Variants in CLASP2 observed in about 807,000 individuals in gnomAD.
The protein encoded by CLASP2 is cytoplasmic linker associated protein 2.
CLASP2 carries 47 observed loss-of-function variants against 194.4 expected under a neutral mutation model. The ratio of observed to expected loss-of-function variants is 0.24; its 90% confidence interval spans 0.19 to 0.31. The LOEUF (loss-of-function observed/expected upper bound fraction) is 0.31, where lower values mean the gene tolerates loss of function less well. CLASP2 is among the 10% of genes least tolerant of loss of function. The pLI, the probability that CLASP2 is intolerant of heterozygous loss-of-function variation, is 1.00. For synonymous variants in CLASP2, 619 were observed against 633.5 expected (o/e 0.98, Z 0.34); for missense variants, 1,445 against 1,823.6 (o/e 0.79, Z 3.78).
chr3:33,529,984 CAAA>C (rs1169927619), intron 34 of CLASP2, among the ~76,000 whole-genome samples: 2 of 32,244 alleles, frequency 6.2e-5, no homozygotes, highest in Non-Finnish European at 1.2e-4. Context: ...GACTCCGTCT[CAAA>C]AAAAAAAAAA....
chr3:33,590,778 C>A (rs1297891413), intron 21 of CLASP2, among the ~76,000 whole-genome samples: 1 of 152,146 alleles, frequency 6.6e-6, no homozygotes, highest in African/African-American at 2.4e-5. Context: ...CATTCTCTTT[C>A]CTGATTTCAA....
At chr3:33,663,215 A>G (rs1251169327) in intron 7 of CLASP2, among the ~76,000 whole-genome samples, 3 of 151,636 alleles carry the variant, frequency 2.0e-5, no homozygotes, top group East Asian at 3.8e-4. Context: ...AAAAAAAAAA[A>G]AAGAACAGTA....
rs756614560 is a variant in CLASP2, at chr3:33,607,460, G to A, written c.1450C>T (p.His484Tyr). The A allele has an allele frequency of 1.2e-6, 2 of 1,600,896 alleles. No individual in the cohort carries two copies. The highest frequency in any genetic ancestry group is 1.7e-6 in the Non-Finnish European group (2 of 1,172,874). ...ATAGTTTCAACCAAGACGGCTGCAT[G>A]TCTATAAAATAAAATACATCTTTAG... ...QEWQTHSLER[H>Y]AAVLVETIKK... The change falls in exon 15 of 39, where the codon CAT becomes TAT. Residue 484 changes from histidine to tyrosine, a missense_variant and splice_region_variant. Coordinates refer to ENST00000682230, the MANE Select transcript of CLASP2 (RefSeq NM_001365631.1).
At position 33,544,841 on chromosome 3, in the gene CLASP2, C is replaced by A; in HGVS notation, c.3154G>T (p.Ala1052Ser). The change falls in exon 31 of 39, where the codon GCA becomes TCA. Residue 1052 changes from alanine (A) to serine (S), a missense_variant and splice_region_variant. Ala to Ser is a moderately conservative substitution (Grantham distance 99). Coordinates refer to ENST00000682230, the MANE Select transcript of CLASP2 (RefSeq NM_001365631.1). ...TEPKSSDVRK[A>S]AQSVLISLFE... is the part of the protein sequence containing the mutation. ...AATGAAATCAGCACTGACTGTGCTGCCTAAAAAACAAAGGCATACAGTAGA... is the reference window on the plus strand; with the variant it reads ...AATGAAATCAGCACTGACTGTGCTGACTAAAAAACAAAGGCATACAGTAGA... The A allele has an allele frequency of 6.3e-7, 1 of 1,597,984 alleles. No individual in the cohort carries two copies. Among genetic ancestry groups the A allele is most frequent in the Admixed American group, 1.7e-5 (1 of 57,296 alleles).
chr3:33,672,807 G>A (rs2087624972), intron 6 of CLASP2, among the ~76,000 whole-genome samples: 2 of 152,208 alleles, frequency 1.3e-5, no homozygotes, highest in Admixed American at 1.3e-4. Context: ...AGAAGCCTCA[G>A]GAGCTGATGC....
intron 33 of CLASP2, among the ~76,000 whole-genome samples, chr3:33,536,319 T>C (rs1437294075): frequency 1.3e-5 from 2 of 150,850 alleles, no homozygotes; most frequent in African/African-American, 2.4e-5. Context: ...GAATCATGAA[T>C]GCTGAGGTGG....
At chr3:33,560,398 A>G (rs1215042449) in intron 28 of CLASP2, among the ~76,000 whole-genome samples, 1 of 152,070 alleles carries the variant, frequency 6.6e-6, no homozygotes, top group Non-Finnish European at 1.5e-5. Flanking sequence ...GCCTGCCACC[A>G]TGCCTGGCTA....
At chr3:33,713,275 G>T (rs2093124627) in intron 1 of CLASP2, among the ~76,000 whole-genome samples, 1 of 152,064 alleles carries the variant, frequency 6.6e-6, no homozygotes. Flanking sequence ...TTTTATTTCA[G>T]AATTGAAAAG....
chr3:33,546,392 C>T (rs2059154806), intron 30 of CLASP2, among the ~76,000 whole-genome samples: 2 of 152,084 alleles, frequency 1.3e-5, no homozygotes, highest in African/African-American at 2.4e-5. Flanking sequence ...TAGTATATTT[C>T]GATCATATCC....
At chr3:33,659,270 G>C (rs2084875584) in intron 7 of CLASP2, 2 of 1,217,924 alleles carry the variant, frequency 1.6e-6, no homozygotes, top group Admixed American at 4.2e-5. Context: ...TTGGATACAG[G>C]TTATGATGTT....
In CLASP2 at chr3:33,635,167, C is replaced by T. The variant is rs962155798; in HGVS notation, c.863-2796G>A. Among the ~76,000 whole-genome samples, 4 of 150,762 alleles carry T rather than the reference C, an allele frequency of 2.7e-5. No homozygotes were observed. In the East Asian group the frequency reaches 5.8e-4, roughly 22 times the overall value. ...CTCAGCTACTTGGGAGGCTGAGGCA[C>T]GAGAATCGCTTGAACCTGGGAGGCA... On this transcript the variant is annotated intron_variant, in intron 8 of 38. Coordinates refer to ENST00000682230, the MANE Select transcript of CLASP2 (RefSeq NM_001365631.1).
intron 36 of CLASP2, among the ~76,000 whole-genome samples, chr3:33,514,369 T>G (rs2050713442): frequency 6.6e-6 from 1 of 152,134 alleles, no homozygotes; most frequent in Admixed American, 6.5e-5. Context: ...AAGTCCAAAT[T>G]GTGTTTTCTG....
At chr3:33,640,905 T>G (rs2081160954) in intron 8 of CLASP2, among the ~76,000 whole-genome samples, 1 of 152,056 alleles carries the variant, frequency 6.6e-6, no homozygotes, top group South Asian at 2.1e-4. Flanking sequence ...AAACGACTGA[T>G]TTATGGATGC....
intron 2 of CLASP2, among the ~76,000 whole-genome samples, chr3:33,695,993 T>C (rs2091856110): frequency 6.6e-6 from 1 of 152,296 alleles, no homozygotes; most frequent in African/African-American, 2.4e-5. Context: ...TGCACTGTAC[T>C]ACAAACACAC....
intron 6 of CLASP2, among the ~76,000 whole-genome samples, chr3:33,672,593 G>T (rs1345576252): frequency 2.0e-5 from 3 of 152,208 alleles, no homozygotes; most frequent in African/African-American, 7.2e-5. Context: ...AAGCTGGATG[G>T]AGAATGACTT....
In CLASP2 at chr3:33,594,961, T is replaced by G. The variant is rs1173606287; in HGVS notation, c.1956A>C (p.Ala652=). 13 of 1,428,138 alleles carry G rather than the reference T, an allele frequency of 9.1e-6. No homozygotes were observed. Among genetic ancestry groups the G allele is most frequent in the Non-Finnish European group, 1.2e-5 (13 of 1,068,822 alleles). The allele number at this position is 1,428,138 out of a possible 1,614,324, so 88.5% of individuals were successfully genotyped here. A position where few individuals can be genotyped will look rare whatever the true frequency, so the allele number is the denominator to read the frequency against. ...ATGTATAGTTCTTACCATCTTCAGA[T>G]GCTGTTCCTAAATAAGAAAAATAAA... is the stretch of plus-strand genomic sequence containing the variant. ...EDTSDKLDGT[A]SEDGRVRAKL... is the part of the protein sequence containing the mutation. Residue 652 remains alanine (A), a synonymous_variant, in exon 20 of 39, where the codon GCA becomes GCC. Coordinates refer to ENST00000682230, the MANE Select transcript of CLASP2 (RefSeq NM_001365631.1).
chr3:33,580,320 G>T (rs1347745410), intron 23 of CLASP2, among the ~76,000 whole-genome samples: 1 of 152,148 alleles, frequency 6.6e-6, no homozygotes, highest in Non-Finnish European at 1.5e-5. Context: ...CTAACACTTT[G>T]GGAGGCCGAG....
chr3:33,655,393 C>T (rs2083971201), intron 7 of CLASP2, among the ~76,000 whole-genome samples: 1 of 152,124 alleles, frequency 6.6e-6, no homozygotes, highest in Non-Finnish European at 1.5e-5. Context: ...GATGGTTGTA[C>T]AACACCTTCA....
At chr3:33,643,189 A>C (rs1158354624) in intron 8 of CLASP2, among the ~76,000 whole-genome samples, 1 of 151,870 alleles carries the variant, frequency 6.6e-6, no homozygotes, top group Non-Finnish European at 1.5e-5. Flanking sequence ...AAGATACCAA[A>C]CCACGAAAAA....
Sources: gnomAD v4.1 joint callset for allele counts (sites outside exome capture counted in the v4.1 genomes callset) on GRCh38, gnomAD v4.1.1 for gene constraint, MANE v1.5 for transcripts, NCBI Gene and HGNC (gene_info 2026-07-23, HGNC 2026-07-21) for gene names.